The following PRDM6 variants were observed in gnomAD, a reference collection of about 807,000 sequenced individuals.
PRDM6 encodes PR/SET domain 6.
PRDM6 carries 25 observed loss-of-function variants against 60.8 expected under a neutral mutation model. The ratio of observed to expected loss-of-function variants is 0.41; its 90% CI spans 0.30 to 0.57. The LOEUF (loss-of-function observed/expected upper bound fraction) is 0.57, where lower values mean the gene tolerates loss of function less well. Ranked by LOEUF, PRDM6 falls within the 20% of genes least tolerant of loss-of-function variation. PRDM6 has a pLI of 0.27. For synonymous variants in PRDM6, 407 were observed against 357.4 expected (o/e 1.14, Z -1.57); for missense variants, 839 against 821.3 (o/e 1.02, Z -0.26).
chr5:123,147,296 A>T (rs1303162140), intron 3 of PRDM6, among the ~76,000 whole-genome samples: 2 of 152,014 alleles, frequency 1.3e-5, no homozygotes, highest in Non-Finnish European at 2.9e-5. Context: ...AGAGAGAGAG[A>T]GAGAGAGAGA....
At chr5:123,117,850 TG>T (rs1422196561) in intron 3 of PRDM6, among the ~76,000 whole-genome samples, 1 of 152,360 alleles carries the variant, frequency 6.6e-6, no homozygotes, top group East Asian at 1.9e-4. Context: ...AAAGTGCTAA[TG>T]GGCGCAGTTC....
chr5:123,157,717 T>C (rs1010518800), intron 4 of PRDM6, among the ~76,000 whole-genome samples: 3 of 152,242 alleles, frequency 2.0e-5, no homozygotes, highest in African/African-American at 7.2e-5. Flanking sequence ...TTATTGTACA[T>C]GAATGTCCTC....
At chr5:123,144,109 C>T (rs1321635187) in intron 3 of PRDM6, among the ~76,000 whole-genome samples, 4 of 152,186 alleles carry the variant, frequency 2.6e-5, no homozygotes, top group Non-Finnish European at 5.9e-5. Flanking sequence ...AGAGGACTTG[C>T]AGAAAGCTCT....
At chr5:123,182,862 C>A (rs1001307313) in intron 7 of PRDM6, among the ~76,000 whole-genome samples, 2 of 151,934 alleles carry the variant, frequency 1.3e-5, no homozygotes, top group South Asian at 2.1e-4. Context: ...CAGGGGAGAG[C>A]TGAGTGTATG....
intron 3 of PRDM6, among the ~76,000 whole-genome samples, chr5:123,145,484 T>A (rs1472552927): frequency 6.6e-6 from 1 of 152,200 alleles, no homozygotes; most frequent in Non-Finnish European, 1.5e-5. Context: ...GTCATCACCC[T>A]CTATCCTTGG....
intron 7 of PRDM6, among the ~76,000 whole-genome samples, chr5:123,181,745 A>G (rs1251281730): frequency 1.3e-5 from 2 of 152,170 alleles, no homozygotes; most frequent in African/African-American, 2.4e-5. Context: ...CCAGAGCCTC[A>G]TTACCCAGGA....
intron 3 of PRDM6, among the ~76,000 whole-genome samples, chr5:123,114,484 T>C (rs1026321916): frequency 6.6e-6 from 1 of 152,196 alleles, no homozygotes; most frequent in Non-Finnish European, 1.5e-5. Context: ...AGCATCCCCT[T>C]GAGACTTGTT....
At chr5:123,129,829 G>A (rs1324701736) in intron 3 of PRDM6, among the ~76,000 whole-genome samples, 1 of 152,076 alleles carries the variant, frequency 6.6e-6, no homozygotes, top group South Asian at 2.1e-4. Flanking sequence ...ATTAAGATGT[G>A]TTCCACTTAG....
rs1400920620 is a variant in PRDM6, at chr5:123,190,707, A to G, written c.*3506A>G. Reference sequence around the variant, plus strand: ...TATACGAACATTTAGCAGTTCATCAATTTTTAAATCAGATGTTCATTGTTT... The same window carrying G: ...TATACGAACATTTAGCAGTTCATCAGTTTTTAAATCAGATGTTCATTGTTT... On this transcript the variant is annotated 3_prime_UTR_variant, in exon 8 of 8. Transcript: ENST00000407847. The G allele has an allele frequency of 2.0e-5, 3 of 152,170 alleles. No homozygotes were observed. The highest frequency in any genetic ancestry group is 1.9e-4 in the East Asian group (1 of 5,196). The allele number at this position is 152,170 out of a possible 1,614,324, so 9.4% of individuals were successfully genotyped here.
intron 3 of PRDM6, among the ~76,000 whole-genome samples, chr5:123,155,265 T>C (rs962911193): frequency 2.4e-4 from 35 of 144,004 alleles, no homozygotes; most frequent in African/African-American, 8.4e-4. Context: ...GGTCTCTCTT[T>C]TTTTTTTTTT....
chr5:123,154,558 A>G (rs993429124), intron 3 of PRDM6, among the ~76,000 whole-genome samples: 1 of 152,212 alleles, frequency 6.6e-6, no homozygotes, highest in Non-Finnish European at 1.5e-5. Flanking sequence ...GCTGTTTTTA[A>G]ATGACTAGTA....
At chr5:123,095,743 G>C (rs1397467247) in intron 2 of PRDM6, among the ~76,000 whole-genome samples, 1 of 152,222 alleles carries the variant, frequency 6.6e-6, no homozygotes, top group Admixed American at 6.5e-5. Flanking sequence ...GCCAACGAAG[G>C]CGTCGGGCAG....
intron 6 of PRDM6, among the ~76,000 whole-genome samples, chr5:123,176,973 C>T (rs879477832): frequency 2.0e-5 from 3 of 152,190 alleles, no homozygotes; most frequent in Non-Finnish European, 4.4e-5. Flanking sequence ...TAATTGTGCG[C>T]TCCAAAGGCC....
At chr5:123,116,876 T>C (rs529984402) in intron 3 of PRDM6, among the ~76,000 whole-genome samples, 1 of 152,140 alleles carries the variant, frequency 6.6e-6, no homozygotes, top group Non-Finnish European at 1.5e-5. Context: ...ATTTGGATAA[T>C]TTCAAGAAAA....
rs1292194171 is a variant in PRDM6, at chr5:123,089,978, C to CT, written c.-15-20dup. 5.9e-6 allele frequency: 9 copies of CT among 1,515,178 alleles called. No homozygotes were observed. In the African/African-American group the frequency reaches 9.9e-5, roughly 17 times the overall value. The allele number at this position is 1,515,178 out of a possible 1,614,324, so 93.9% of individuals were successfully genotyped here. A position where few individuals can be genotyped will look rare whatever the true frequency, so the allele number is the denominator to read the frequency against. On this transcript the variant is annotated intron_variant, in intron 1 of 7. Coordinates refer to ENST00000407847, the MANE Select transcript of PRDM6 (RefSeq NM_001136239.4). Reference sequence around the variant, plus strand: ...CTTTCGCCCAGCTCACGCGCCCCCTCTTCCCTGCCCTCTGCCCCCAGTTCG... The same window carrying CT: ...CTTTCGCCCAGCTCACGCGCCCCCTCTTTCCCTGCCCTCTGCCCCCAGTTCG...
chr5:123,180,543 G>A (rs564125017), intron 7 of PRDM6, among the ~76,000 whole-genome samples: 1 of 152,314 alleles, frequency 6.6e-6, no homozygotes, highest in South Asian at 2.1e-4. Context: ...GCCAACCTTG[G>A]TCGTGAGACA....
chr5:123,173,981 C>T (rs941301073), intron 6 of PRDM6, among the ~76,000 whole-genome samples: 2 of 152,188 alleles, frequency 1.3e-5, no homozygotes, highest in Admixed American at 6.5e-5. Context: ...ATGACAGTAG[C>T]TACGTTTGGA....
In PRDM6 at chr5:123,187,427, C is replaced by G. The variant is rs1022329957; in HGVS notation, c.*226C>G. 1 of 359,286 alleles carries G rather than the reference C, an allele frequency of 2.8e-6. No homozygotes were observed. Among genetic ancestry groups the G allele is most frequent in the Non-Finnish European group, 5.2e-6 (1 of 191,028 alleles). The allele number at this position is 359,286 out of a possible 1,614,324, so 22.3% of individuals were successfully genotyped here. A position where few individuals can be genotyped will look rare whatever the true frequency, so the allele number is the denominator to read the frequency against. ...TAGGGATGAGACTTATTTCAGTGGA[C>G]AACTAACCTGGGATGGTTAACATTT... On this transcript the variant is annotated 3_prime_UTR_variant, in exon 8 of 8. Transcript: ENST00000407847.
intron 3 of PRDM6, among the ~76,000 whole-genome samples, chr5:123,127,733 C>T (rs186699290): frequency 1.2e-3 from 166 of 140,702 alleles, no homozygotes; most frequent in Middle Eastern, 7.2e-3. Flanking sequence ...TCTTTCTTTC[C>T]TTCTTTCCTT....
Sources: gnomAD v4.1 joint callset for allele counts (sites outside exome capture counted in the v4.1 genomes callset) on GRCh38, gnomAD v4.1.1 for gene constraint, MANE v1.5 for transcripts, NCBI Gene and HGNC (gene_info 2026-07-23, HGNC 2026-07-21) for gene names.